Variants in DOCK5 observed in about 807,000 individuals in gnomAD.
DOCK5 encodes dedicator of cytokinesis 5, also known as dedicator of cytokinesis protein 5.
DOCK5 carries 142 observed loss-of-function variants against 251.8 expected under a neutral mutation model. The ratio of observed to expected loss-of-function variants is 0.56; its 90% CI spans 0.49 to 0.65. The LOEUF (loss-of-function observed/expected upper bound fraction) is 0.65. Ranked by LOEUF, DOCK5 falls within the 30% of genes least tolerant of loss-of-function variation. The pLI, the probability that DOCK5 is intolerant of heterozygous loss-of-function variation, is 0.00. For synonymous variants in DOCK5, 842 were observed against 835.5 expected (o/e 1.01, Z -0.13); for missense variants, 2,111 against 2,312.3 (o/e 0.91, Z 1.79).
intron 48 of DOCK5, 95 bp from the exon 49 acceptor site, chr8:25,407,888 A>G: frequency 8.2e-7 from 1 of 1,214,784 alleles, no homozygotes; most frequent in South Asian, 1.8e-5. Context: ...AAAAAAAAAT[A>G]GCCTAAAGAG....
intron 2 of DOCK5, among the ~76,000 whole-genome samples, chr8:25,262,309 C>T (rs957569270): frequency 2.0e-5 from 3 of 151,796 alleles, no homozygotes; most frequent in Non-Finnish European, 4.4e-5. Context: ...GAGTAAAATT[C>T]ACCGTTTTTA....
chr8:25,342,783 C>T (rs1424861168), intron 25 of DOCK5, among the ~76,000 whole-genome samples: 5 of 141,942 alleles, frequency 3.5e-5, no homozygotes, highest in Non-Finnish European at 6.1e-5. Context: ...ACTGCAACCT[C>T]GGCCTCCCAG....
chr8:25,357,589 A>G (rs147796431), intron 27 of DOCK5, among the ~76,000 whole-genome samples: 1 of 150,914 alleles, frequency 6.6e-6, no homozygotes, highest in South Asian at 2.1e-4. Context: ...TGTTGGCCAG[A>G]CTGGTCTCAA....
chr8:25,311,725 CA>C (rs1256355807), intron 13 of DOCK5, among the ~76,000 whole-genome samples: 1 of 151,250 alleles, frequency 6.6e-6, no homozygotes, highest in African/African-American at 2.4e-5. Flanking sequence ...ACTTCGAGTC[CA>C]GCCTGACCAA....
intron 46 of DOCK5, 149 bp from the exon 47 acceptor site, chr8:25,400,780 A>G (rs2117334911): frequency 1.2e-6 from 1 of 816,820 alleles, no homozygotes; most frequent in East Asian, 2.5e-5. Flanking sequence ...CATCCAGTCC[A>G]CAAGTCCTAC....
chr8:25,202,237 C>T (rs1801898668), intron 1 of DOCK5, among the ~76,000 whole-genome samples: 2 of 152,096 alleles, frequency 1.3e-5, no homozygotes, highest in South Asian at 2.1e-4. Flanking sequence ...AGGCTGGTCT[C>T]GAACTCCTGT....
chr8:25,215,421 T>C (rs1482088545), intron 1 of DOCK5, among the ~76,000 whole-genome samples: 1 of 151,990 alleles, frequency 6.6e-6, no homozygotes, highest in Non-Finnish European at 1.5e-5. Flanking sequence ...TTTCAGTGCT[T>C]CAAGTGCAGG....
chr8:25,401,397 A>G (rs1801436172), intron 47 of DOCK5, among the ~76,000 whole-genome samples: 1 of 152,108 alleles, frequency 6.6e-6, no homozygotes, highest in Non-Finnish European at 1.5e-5. Flanking sequence ...CCCGGGTGAT[A>G]TTGATGCTGC....
At chr8:25,273,638 A>G (rs537634321) in intron 3 of DOCK5, among the ~76,000 whole-genome samples, 2 of 152,334 alleles carry the variant, frequency 1.3e-5, no homozygotes, top group East Asian at 3.9e-4. Context: ...ATGAATGAAT[A>G]AATAGTCAGA....
chr8:25,264,835 A>C (rs535215052), intron 2 of DOCK5, among the ~76,000 whole-genome samples: 10 of 142,374 alleles, frequency 7.0e-5, no homozygotes, highest in South Asian at 6.4e-4. Flanking sequence ...AAAAAACAAA[A>C]AACAACAACA....
At chr8:25,307,107 A>C (rs909630150) in intron 11 of DOCK5, among the ~76,000 whole-genome samples, 1 of 151,968 alleles carries the variant, frequency 6.6e-6, no homozygotes, top group African/African-American at 2.4e-5. Flanking sequence ...GAAATGTTTC[A>C]GCTCCATTAA....
intron 16 of DOCK5, among the ~76,000 whole-genome samples, chr8:25,322,107 T>C (rs773169913): frequency 1.3e-5 from 2 of 152,284 alleles, no homozygotes; most frequent in Admixed American, 6.5e-5. Flanking sequence ...TGCATAAAAA[T>C]GTAACCCCTC....
intron 40 of DOCK5, among the ~76,000 whole-genome samples, chr8:25,387,188 T>TA (rs1225061301): frequency 4.6e-5 from 1 of 21,952 alleles, no homozygotes; most frequent in Non-Finnish European, 1.2e-4. Context: ...ACCAGTGACT[T>TA]TTTTTTTTTT....
In DOCK5 at chr8:25,395,574, A is replaced by C; in HGVS notation, c.4559A>C (p.Glu1520Ala). 1 of 1,613,222 alleles carries C rather than the reference A, an allele frequency of 6.2e-7. No homozygotes were observed. The highest frequency in any genetic ancestry group is 8.5e-7 in the Non-Finnish European group (1 of 1,179,662). Residue 1520 changes from glutamate (E) to alanine (A), a missense_variant, in exon 45 of 52, where the codon GAA becomes GCA. Around this residue, in one of 3 missense-constraint regions of DOCK5, gnomAD observed 1,717 missense variants for 1,892.4 expected, o/e 0.91. Transcript: ENST00000276440. ...EEISPLENAIETMELTNERIS... is the reference protein window; with the variant it reads ...EEISPLENAIATMELTNERIS... Reference sequence around the variant, plus strand: ...ATCAGTCCTCTGGAGAATGCCATCGAAACCATGGAGCTGACCAACGAGAGG... The same window carrying C: ...ATCAGTCCTCTGGAGAATGCCATCGCAACCATGGAGCTGACCAACGAGAGG...
At chr8:25,262,527 C>T (rs1015498832) in intron 2 of DOCK5, among the ~76,000 whole-genome samples, 6 of 151,904 alleles carry the variant, frequency 3.9e-5, no homozygotes, top group African/African-American at 9.7e-5. Flanking sequence ...GGTTTATCAG[C>T]GGTATATTTT....
chr8:25,324,096 C>T (rs996396857), intron 17 of DOCK5, 145 bp downstream of exon 17: 23 of 904,766 alleles, frequency 2.5e-5, no homozygotes, highest in Non-Finnish European at 3.6e-5. Flanking sequence ...CCAGAGGGCT[C>T]TGGGCCCTCC....
rs539941333 is a variant in DOCK5, at chr8:25,234,633, T to C, written c.44-9041T>C. 6.6e-5 allele frequency among the ~76,000 whole-genome samples: 10 copies of C among 152,308 alleles called. No individual in the cohort carries two copies. In the South Asian group the frequency reaches 2.1e-3, roughly 32 times the overall value. On this transcript the variant is annotated intron_variant, in intron 1 of 51. Transcript: ENST00000276440. Reference sequence around the variant, plus strand: ...TATTATATACAGCCTGAGGGTCCTGTGGTGAGTACATGGCTGAGGCCATCT... The same window carrying C: ...TATTATATACAGCCTGAGGGTCCTGCGGTGAGTACATGGCTGAGGCCATCT...
Position 25,374,628 on chromosome 8 carries a change from C to A in DOCK5, c.3790C>A (p.Leu1264Ile), listed in dbSNP as rs780439368. The change falls in exon 37 of 52, where the codon CTT becomes ATT. Residue 1264 changes from leucine to isoleucine, a missense_variant. By Grantham distance (5) the Leu-to-Ile change is conservative. This residue lies in a region of DOCK5 where 1,717 missense variants were observed against 1,892.4 expected (regional missense o/e 0.91). Transcript: ENST00000276440. Reference protein sequence around the residue: ...CENYTEAAYTLLLHAELLQWS... With the variant: ...CENYTEAAYTILLHAELLQWS... The stretch of plus-strand genomic sequence containing the variant: ...GAACTACACAGAAGCTGCCTACACG[C>A]TTCTCTTGCACGCTGAGCTTCTGCA... 6.2e-7 allele frequency: 1 copy of A among 1,613,932 alleles called. No homozygotes were observed. The highest frequency in any genetic ancestry group is 8.5e-7 in the Non-Finnish European group (1 of 1,179,872).
chr8:25,380,465 G>A (rs551878580), intron 39 of DOCK5, 71 bp downstream of exon 39: 31 of 1,327,164 alleles, frequency 2.3e-5, no homozygotes, highest in South Asian at 3.9e-5. Context: ...AAATGTTTCC[G>A]TAAGTTGAAA....
Sources: gnomAD v4.1 joint callset for allele counts (sites outside exome capture counted in the v4.1 genomes callset) on GRCh38, gnomAD v4.1.1 for gene constraint, gnomAD v4.1.1 regional missense constraint, MANE v1.5 for transcripts, NCBI Gene and HGNC (gene_info 2026-07-23, HGNC 2026-07-21) for gene names.